The following GPBP1 variants were observed in gnomAD, a reference collection of about 807,000 sequenced individuals.
The protein encoded by GPBP1 is GC-rich promoter binding protein 1.
In GPBP1, 13 loss-of-function variants were observed where a neutral mutation model predicts 56.5. That is an observed-to-expected ratio of 0.23 (90% CI 0.15 to 0.37). The LOEUF (loss-of-function observed/expected upper bound fraction) is 0.37, where lower values mean the gene tolerates loss of function less well. Among genes scored for constraint, GPBP1 ranks in the 10% least tolerant of loss-of-function variants. The probability of loss-of-function intolerance (pLI) is 1.00; values close to 1 mark genes in which losing one functional copy is unlikely to be tolerated. For synonymous variants in GPBP1, 204 were observed against 188.9 expected, an observed-to-expected ratio of 1.08 and a Z score of -0.66; for missense variants, 477 against 572.3, an observed-to-expected ratio of 0.83 and a Z score of 1.70.
intron 5 of GPBP1, among the ~76,000 whole-genome samples, chr5:57,235,601 G>T (rs1187196718): frequency 1.3e-5 from 2 of 152,106 alleles, no homozygotes; most frequent in South Asian, 2.1e-4. Context: ...TAGTTTAATG[G>T]TTAGCAAAGT....
intron 2 of GPBP1, among the ~76,000 whole-genome samples, chr5:57,196,758 A>G (rs961765782): frequency 6.6e-6 from 1 of 151,456 alleles, no homozygotes; most frequent in Non-Finnish European, 1.5e-5. Flanking sequence ...ATGCCTGGCT[A>G]ATTGTTTTGA....
At chr5:57,218,756 C>T (rs1755803930) in intron 3 of GPBP1, among the ~76,000 whole-genome samples, 1 of 152,184 alleles carries the variant, frequency 6.6e-6, no homozygotes, top group Non-Finnish European at 1.5e-5. Context: ...TGAGCCACCA[C>T]GCTCGAGCCA....
intron 2 of GPBP1, among the ~76,000 whole-genome samples, chr5:57,198,092 A>G (rs2111676331): frequency 6.6e-6 from 1 of 152,218 alleles, no homozygotes; most frequent in South Asian, 2.1e-4. Context: ...CATGTAGACA[A>G]CTGTGCATTC....
intron 3 of GPBP1, among the ~76,000 whole-genome samples, chr5:57,227,708 G>A (rs1412720051): frequency 6.6e-6 from 1 of 152,164 alleles, no homozygotes; most frequent in Non-Finnish European, 1.5e-5. Context: ...CAGAACCAGT[G>A]CCAACATCAC....
intron 3 of GPBP1, among the ~76,000 whole-genome samples, chr5:57,219,244 C>T (rs369743927): frequency 2.6e-5 from 4 of 151,524 alleles, no homozygotes; most frequent in African/African-American, 9.7e-5. Flanking sequence ...GGTATGGTGG[C>T]ACATGCCTGT....
intron 9 of GPBP1, 81 bp from the exon 10 acceptor site, chr5:57,250,869 CTTAG>C (rs955578583): frequency 4.0e-5 from 36 of 902,712 alleles, no homozygotes; most frequent in Admixed American, 8.4e-5. Flanking sequence ...TCAATGGAAG[CTTAG>C]TTAGGATCTA....
At chr5:57,218,514 C>T (rs1415471501) in intron 3 of GPBP1, among the ~76,000 whole-genome samples, 1 of 152,070 alleles carries the variant, frequency 6.6e-6, no homozygotes, top group East Asian at 1.9e-4. Context: ...GGGTGTACTA[C>T]CCTCCCAGCA....
At chr5:57,223,078 A>G (rs561286608) in intron 3 of GPBP1, among the ~76,000 whole-genome samples, 328 of 151,938 alleles carry the variant, frequency 2.2e-3, no homozygotes, top group African/African-American at 7.0e-3. Flanking sequence ...AGAACTGAGC[A>G]GATGCCATTT....
chr5:57,218,312 C>T (rs567676149), intron 3 of GPBP1, among the ~76,000 whole-genome samples: 1 of 152,328 alleles, frequency 6.6e-6, no homozygotes, highest in Admixed American at 6.5e-5. Context: ...CACCAGTACT[C>T]CTCACTGGTT....
intron 2 of GPBP1, among the ~76,000 whole-genome samples, chr5:57,180,510 C>G (rs961982124): frequency 2.0e-5 from 3 of 152,114 alleles, no homozygotes; most frequent in African/African-American, 7.2e-5. Context: ...ACGTTTAGAT[C>G]TATCAATGTT....
chr5:57,252,966 C>T (rs934818062), intron 10 of GPBP1, among the ~76,000 whole-genome samples: 4 of 152,174 alleles, frequency 2.6e-5, no homozygotes, highest in African/African-American at 7.2e-5. Context: ...GCCTCAGCCT[C>T]CCAAAGTGCT....
chr5:57,219,429 A>C (rs1363597895), intron 3 of GPBP1, among the ~76,000 whole-genome samples: 3 of 148,220 alleles, frequency 2.0e-5, no homozygotes, highest in Admixed American at 2.0e-4. Flanking sequence ...CAAAAAAAAA[A>C]ACAACAAAAC....
At chr5:57,242,167 A>T (rs1018135248) in intron 6 of GPBP1, among the ~76,000 whole-genome samples, 5 of 152,184 alleles carry the variant, frequency 3.3e-5, no homozygotes, top group African/African-American at 1.2e-4. Flanking sequence ...TACTCTTACC[A>T]GTCAACCTAA....
chr5:57,196,928 T>C (rs944094245), intron 2 of GPBP1, among the ~76,000 whole-genome samples: 4 of 151,820 alleles, frequency 2.6e-5, no homozygotes, highest in African/African-American at 9.7e-5. Flanking sequence ...ATTACAGGAG[T>C]ACACCACCAT....
At position 57,219,415 on chromosome 5, in the gene GPBP1, C is replaced by CAA. The variant is rs1333855778; in HGVS notation, c.63+5224_63+5225dup. ...AAAAAAAAAAAAAACCAAAAACAAA[C>CAA]AAACAAAAAAAAAAACAACAAAACC... On this transcript the variant is annotated intron_variant, in intron 3 of 11. Transcript: ENST00000506184. Among the ~76,000 whole-genome samples, 27 of 61,844 alleles carry CAA rather than the reference C, an allele frequency of 4.4e-4. 1 individual carries two copies. The highest frequency in any genetic ancestry group is 2.4e-3 in the Admixed American group (12 of 4,986). The allele number at this position is 61,844 out of a possible 152,430, so 40.6% of individuals were successfully genotyped here.
At chr5:57,234,332 T>C (rs945823503) in intron 5 of GPBP1, among the ~76,000 whole-genome samples, 7 of 152,232 alleles carry the variant, frequency 4.6e-5, no homozygotes, top group African/African-American at 1.7e-4. Flanking sequence ...AGAGCACTCA[T>C]TCAATGCTCA....
intron 2 of GPBP1, among the ~76,000 whole-genome samples, chr5:57,209,252 T>C (rs540876256): frequency 6.6e-6 from 1 of 152,338 alleles, no homozygotes; most frequent in South Asian, 2.1e-4. Context: ...TCATGTAATC[T>C]GTGAATAGGA....
intron 10 of GPBP1, 107 bp downstream of exon 10, chr5:57,251,248 A>T (rs1741372101): frequency 1.1e-6 from 1 of 947,000 alleles, no homozygotes; most frequent in South Asian, 1.7e-5. Context: ...AACTTACGCC[A>T]TAAATTTCAC....
chr5:57,228,454 C>CA (rs566335105), intron 3 of GPBP1, among the ~76,000 whole-genome samples: 30,705 of 134,684 alleles, frequency 0.23, 3,819 homozygotes, highest in Middle Eastern at 0.34. Context: ...GACTCTGTCT[C>CA]AAAAAAAAAA....
Sources: allele counts gnomAD v4.1 joint callset (sites outside exome capture counted in the v4.1 genomes callset), GRCh38; gene constraint gnomAD v4.1.1; transcripts MANE v1.5; gene names NCBI Gene and HGNC (gene_info 2026-07-23, HGNC 2026-07-21).